Variants in TMEM217 observed in about 807,000 individuals in gnomAD.
The protein encoded by TMEM217 is chromosome 6 open reading frame 128.
For missense variants in TMEM217, 204 were observed against 248.8 expected (o/e 0.82, Z 1.21); for synonymous variants, 76 against 88.3 (o/e 0.86, Z 0.78).
At chr6:37,250,663 A>C (rs73730546) in intron 1 of TMEM217, among the ~76,000 whole-genome samples, 3 of 152,380 alleles carry the variant, frequency 2.0e-5, no homozygotes, top group Admixed American at 6.5e-5. Flanking sequence ...AGTACATTTT[A>C]CATCACAACC....
chr6:37,252,136 G>A (rs1160575754), intron 1 of TMEM217, among the ~76,000 whole-genome samples: 1 of 152,090 alleles, frequency 6.6e-6, no homozygotes, highest in Non-Finnish European at 1.5e-5. Flanking sequence ...CAGGTGATCC[G>A]CCTGCCTCGG....
chr6:37,252,638 T>TATATA (rs1491426950), intron 1 of TMEM217, among the ~76,000 whole-genome samples: 1 of 43,534 alleles, frequency 2.3e-5, no homozygotes, highest in Non-Finnish European at 3.9e-5. Context: ...TATATATATA[T>TATATA]TTTTTTTTTT....
At chr6:37,247,389 CTTTT>C (rs11323017) in intron 1 of TMEM217, among the ~76,000 whole-genome samples, 6 of 127,778 alleles carry the variant, frequency 4.7e-5, no homozygotes, top group Admixed American at 2.4e-4. Flanking sequence ...AACTTTTTTA[CTTTT>C]TTTTTTTTTT....
intron 1 of TMEM217, among the ~76,000 whole-genome samples, chr6:37,230,616 C>T (rs770320468): frequency 6.6e-6 from 1 of 151,934 alleles, no homozygotes; most frequent in Non-Finnish European, 1.5e-5. Flanking sequence ...TGGCCATCTA[C>T]AAAATAAGGA....
At chr6:37,257,988 C>G (rs1402988666) in exon 1 of TMEM217, 2 of 1,613,746 alleles carry the variant, frequency 1.2e-6, no homozygotes, top group Admixed American at 3.3e-5. Flanking sequence ...GCCCAGGACG[C>G]TGAGAGGGAT....
At chr6:37,216,620 C>A (rs262940), downstream of TMEM217, among the ~76,000 whole-genome samples, 133,667 of 152,192 alleles carry the variant, frequency 0.88, 58,944 homozygotes, top group African/African-American at 0.96. Context: ...GCAGGAGAGC[C>A]CTGAGGATGG....
At chr6:37,252,709 G>A (rs1433556615) in intron 1 of TMEM217, among the ~76,000 whole-genome samples, 1 of 143,476 alleles carries the variant, frequency 7.0e-6, no homozygotes, top group Non-Finnish European at 1.5e-5. Context: ...GCACAATCTC[G>A]GCTCCCTGCA....
At chr6:37,242,008 ATTTTTTT>A (rs35494889) in intron 1 of TMEM217, among the ~76,000 whole-genome samples, 4 of 130,022 alleles carry the variant, frequency 3.1e-5, no homozygotes, top group African/African-American at 5.7e-5. Context: ...TTCGATCTCA[ATTTTTTT>A]TTTTTTTTTT....
At chr6:37,222,118 T>C (rs142198409) in intron 1 of TMEM217, among the ~76,000 whole-genome samples, 3 of 152,232 alleles carry the variant, frequency 2.0e-5, no homozygotes, top group Non-Finnish European at 4.4e-5. Flanking sequence ...GCCCAGGTCT[T>C]TTATGGACCT....
chr6:37,214,407 T>C (rs1282990236), downstream of TMEM217, among the ~76,000 whole-genome samples: 3 of 152,154 alleles, frequency 2.0e-5, no homozygotes, highest in East Asian at 5.8e-4. Context: ...TTTGTATTTT[T>C]AGTAGAGACA....
intron 1 of TMEM217, among the ~76,000 whole-genome samples, chr6:37,246,931 G>A (rs965267542): frequency 2.0e-5 from 3 of 152,176 alleles, no homozygotes; most frequent in South Asian, 2.1e-4. Context: ...CTCAGAAGAT[G>A]GGGAGACAGC....
intron 1 of TMEM217, among the ~76,000 whole-genome samples, chr6:37,226,264 TG>T (rs1266913239): frequency 6.6e-6 from 1 of 150,992 alleles, no homozygotes. Context: ...TGTTTTATTT[TG>T]TTTTTTTGAG....
At chr6:37,247,310 G>A (rs976692196) in intron 1 of TMEM217, among the ~76,000 whole-genome samples, 105 of 152,290 alleles carry the variant, frequency 6.9e-4, no homozygotes, top group African/African-American at 2.5e-3. Context: ...TTATTTGGAG[G>A]TGACAGAAAC....
chr6:37,229,335 GTTTTTTTTTTT>G (rs372385535), intron 1 of TMEM217, among the ~76,000 whole-genome samples: 2 of 74,364 alleles, frequency 2.7e-5, no homozygotes, highest in East Asian at 4.6e-4. Flanking sequence ...GCAACTTTCA[GTTTTTTTTTTT>G]TTTTTTTTTT....
exon 4 of TMEM217, chr6:37,212,348 A>G (rs1474836293): frequency 2.8e-6 from 1 of 358,488 alleles, no homozygotes; most frequent in Non-Finnish European, 5.5e-6. Context: ...GAAGACAGGC[A>G]GGGTAGGGAG....
At chr6:37,258,133 G>A (rs76387135), upstream of TMEM217, 220 of 802,342 alleles carry the variant, frequency 2.7e-4, no homozygotes, top group African/African-American at 3.7e-3. Flanking sequence ...GCAGCGAAGC[G>A]AACAGCGAGC....
chr6:37,224,548 A>G (rs1763705967), intron 1 of TMEM217, among the ~76,000 whole-genome samples: 2 of 151,926 alleles, frequency 1.3e-5, no homozygotes, highest in African/African-American at 4.8e-5. Context: ...CAGTGAGCCA[A>G]GATCACACCA....
chr6:37,230,949 T>G (rs1382353000), intron 1 of TMEM217, among the ~76,000 whole-genome samples: 1 of 152,158 alleles, frequency 6.6e-6, no homozygotes, highest in Admixed American at 6.5e-5. Flanking sequence ...TTGTTATTGT[T>G]TGTTTTTGTT....
intron 1 of TMEM217, among the ~76,000 whole-genome samples, chr6:37,222,482 C>A (rs1328805321): frequency 1.3e-5 from 2 of 152,198 alleles, no homozygotes; most frequent in Non-Finnish European, 2.9e-5. Context: ...TGCAGAGACG[C>A]CCGGGTCCTG....
Sources: gnomAD v4.1 joint callset for allele counts (sites outside exome capture counted in the v4.1 genomes callset) on GRCh38, gnomAD v4.1.1 for gene constraint, MANE v1.5 for transcripts, NCBI Gene and HGNC (gene_info 2026-07-23, HGNC 2026-07-21) for gene names.